NFIB: variants seen among roughly 807,000 people sequenced by gnomAD.
The protein encoded by NFIB is nuclear factor 1 B-type.
A neutral mutation model predicts 61.5 loss-of-function variants in NFIB; 11 were observed. The observed-to-expected ratio is 0.18, with a 90% CI of 0.11 to 0.30. The LOEUF (loss-of-function observed/expected upper bound fraction) is 0.30, where lower values mean the gene tolerates loss of function less well. Ranked by LOEUF, NFIB falls within the 10% of genes least tolerant of loss-of-function variation. The pLI, the probability that NFIB is intolerant of heterozygous loss-of-function variation, is 1.00. For missense variants in NFIB, 471 were observed against 608.9 expected (o/e 0.77, Z 2.38); for synonymous variants, 260 against 216.5 (o/e 1.20, Z -1.76).
At chr9:14,177,801 T>G (rs557358608) in intron 3 of NFIB, among the ~76,000 whole-genome samples, 35 of 152,304 alleles carry the variant, frequency 2.3e-4, no homozygotes, top group Non-Finnish European at 1.2e-4. Flanking sequence ...ACCTTGGTTG[T>G]TTTTGTTTGC....
At chr9:14,239,103 T>A (rs2054096374) in intron 2 of NFIB, among the ~76,000 whole-genome samples, 1 of 152,202 alleles carries the variant, frequency 6.6e-6, no homozygotes, top group South Asian at 2.1e-4. Context: ...ACATAGGGAT[T>A]CTAAGAAACT....
At chr9:14,423,013 G>C in the NFIB span, among the ~76,000 whole-genome samples, 1 of 152,068 alleles carries the variant, frequency 6.6e-6, no homozygotes, top group Non-Finnish European at 1.5e-5. Context: ...GAGCTATATG[G>C]ATTCATAACA....
chr9:14,395,642 C>T (rs966181115), intron 1 of NFIB, among the ~76,000 whole-genome samples: 4 of 151,970 alleles, frequency 2.6e-5, no homozygotes, highest in Non-Finnish European at 4.4e-5. Flanking sequence ...CATTCTCCAA[C>T]CCAGTGGTTG....
intron 2 of NFIB, among the ~76,000 whole-genome samples, chr9:14,276,085 T>C (rs1032676957): frequency 6.6e-6 from 1 of 152,174 alleles, no homozygotes; most frequent in Admixed American, 6.5e-5. Context: ...CAGGGGTTTT[T>C]TGTTTTGTCT....
At chr9:14,223,017 G>A (rs1263710934) in intron 2 of NFIB, among the ~76,000 whole-genome samples, 2 of 152,066 alleles carry the variant, frequency 1.3e-5, no homozygotes. Flanking sequence ...AAGAAGAATT[G>A]TCTTGAGCCA....
intron 1 of NFIB, among the ~76,000 whole-genome samples, chr9:14,334,125 A>C (rs963361552): frequency 6.6e-6 from 1 of 152,284 alleles, no homozygotes; most frequent in Middle Eastern, 3.4e-3. Flanking sequence ...TACCCAACAA[A>C]CCTTGGGTTG....
intron 4 of NFIB, among the ~76,000 whole-genome samples, chr9:14,151,337 T>G (rs1488499441): frequency 1.3e-5 from 2 of 152,176 alleles, no homozygotes; most frequent in Non-Finnish European, 2.9e-5. Context: ...ATGAACCTGT[T>G]CGCTGAAAAT....
At chr9:14,209,743 G>A (rs2050117088) in intron 2 of NFIB, among the ~76,000 whole-genome samples, 2 of 152,146 alleles carry the variant, frequency 1.3e-5, no homozygotes, top group African/African-American at 4.8e-5. Context: ...AAAAGTGGAG[G>A]GAAAAGAGCA....
At position 14,244,354 on chromosome 9, in the gene NFIB, A is replaced by G. The variant is rs186605562; in HGVS notation, c.562+62635T>C. 7.9e-4 allele frequency among the ~76,000 whole-genome samples: 121 copies of G among 152,342 alleles called. 1 individual carries two copies. The highest frequency in any genetic ancestry group is 2.8e-3 in the African/African-American group (115 of 41,582). On this transcript the variant is annotated intron_variant, in intron 2 of 10. Transcript: ENST00000380953. The stretch of plus-strand genomic sequence containing the variant: ...AGAAAACAAAGTTAAAATATATACC[A>G]TATACCAGTGCAGTCAGATATATTG...
chr9:14,348,526 A>G (rs898556890), intron 1 of NFIB, among the ~76,000 whole-genome samples: 3 of 152,216 alleles, frequency 2.0e-5, no homozygotes, highest in African/African-American at 7.2e-5. Context: ...TTTAGGTGTC[A>G]GTGCTTCGGC....
chr9:14,105,408 A>G (rs1055320643), intron 10 of NFIB, among the ~76,000 whole-genome samples: 2 of 152,240 alleles, frequency 1.3e-5, no homozygotes, highest in Non-Finnish European at 2.9e-5. Flanking sequence ...AAAATATAAG[A>G]AACTAATTTA....
the NFIB span, among the ~76,000 whole-genome samples, chr9:14,443,786 A>C: frequency 0.1 from 15,278 of 152,240 alleles, 969 homozygotes; most frequent in East Asian, 0.3. Flanking sequence ...AGACTGTAAT[A>C]TCCGTGAAGA....
chr9:14,443,270 T>A, the NFIB span, among the ~76,000 whole-genome samples: 41 of 151,964 alleles, frequency 2.7e-4, no homozygotes, highest in Admixed American at 3.3e-4. Flanking sequence ...CCCACCTCCA[T>A]CCTCCATCCT....
chr9:14,107,954 G>C (rs2036810348), intron 10 of NFIB, among the ~76,000 whole-genome samples: 1 of 152,080 alleles, frequency 6.6e-6, no homozygotes, highest in Non-Finnish European at 1.5e-5. Context: ...CAGCTTATCT[G>C]GATATTAGTC....
the NFIB span, among the ~76,000 whole-genome samples, chr9:14,468,386 G>T: frequency 2.0e-5 from 3 of 152,322 alleles, no homozygotes; most frequent in East Asian, 5.8e-4. Flanking sequence ...CAGTGAAGGG[G>T]AAGGGGGTCA....
Position 14,082,191 on chromosome 9 carries a change from A to G in NFIB, c.*6118T>C, listed in dbSNP as rs1009293929. The G allele has an allele frequency of 2.9e-5, 6 of 206,046 alleles. No individual in the cohort carries two copies. The highest frequency in any genetic ancestry group is 6.0e-5 in the Non-Finnish European group (6 of 100,622). The allele number at this position is 206,046 out of a possible 1,614,324, so 12.8% of individuals were successfully genotyped here. On this transcript the variant is annotated 3_prime_UTR_variant, in exon 11 of 11. Coordinates refer to ENST00000380953, the MANE Select transcript of NFIB (RefSeq NM_001190737.2). Reference sequence around the variant, plus strand: ...ACTGCTAAAGGTTTGTTACATGGAGATTGTGCATGTGCCTCCTTTTGTAAA... The same window carrying G: ...ACTGCTAAAGGTTTGTTACATGGAGGTTGTGCATGTGCCTCCTTTTGTAAA...
chr9:14,456,678 G>T, the NFIB span, among the ~76,000 whole-genome samples: 1 of 152,102 alleles, frequency 6.6e-6, no homozygotes, highest in Non-Finnish European at 1.5e-5. Context: ...TCAGCTATTA[G>T]ATTGCAGAGA....
chr9:14,431,633 GTTT>G, the NFIB span, among the ~76,000 whole-genome samples: 1 of 127,910 alleles, frequency 7.8e-6, no homozygotes. Context: ...TTTTTGTTTT[GTTT>G]TTTTTTTTTT....
chr9:14,402,247 A>C (rs1434681427), upstream of NFIB, among the ~76,000 whole-genome samples: 10 of 152,184 alleles, frequency 6.6e-5, no homozygotes, highest in African/African-American at 2.2e-4. Flanking sequence ...CTCAAACTAC[A>C]TTTTGGGAGG....
Sources: allele counts gnomAD v4.1 joint callset (sites outside exome capture counted in the v4.1 genomes callset), GRCh38; gene constraint gnomAD v4.1.1; transcripts MANE v1.5; gene names NCBI Gene and HGNC (gene_info 2026-07-23, HGNC 2026-07-21).